The following SERPINB8 variants were observed in gnomAD, a reference collection of about 807,000 sequenced individuals.
SERPINB8 encodes the protein serpin B8.
A neutral mutation model predicts 35.3 loss-of-function variants in SERPINB8; 25 were observed. The observed-to-expected ratio is 0.71, with a 90% confidence interval of 0.52 to 0.99. The LOEUF is 0.99. Among genes scored for constraint, SERPINB8 ranks in the 50% least tolerant of loss-of-function variants. SERPINB8 has a pLI of 0.00. For missense variants in SERPINB8, 484 were observed against 446.5 expected (o/e 1.08, Z -0.76); for synonymous variants, 186 against 160.8 (o/e 1.16, Z -1.19).
At chr18:63,977,106 G>A (rs770263860) in intron 1 of SERPINB8, among the ~76,000 whole-genome samples, 22 of 152,206 alleles carry the variant, frequency 1.4e-4, no homozygotes, top group Non-Finnish European at 2.5e-4. Flanking sequence ...TAAACTGAAA[G>A]ATAATTAGCA....
At chr18:63,991,334 T>C (rs2050824058), downstream of SERPINB8, among the ~76,000 whole-genome samples, 1 of 152,228 alleles carries the variant, frequency 6.6e-6, no homozygotes, top group South Asian at 2.1e-4. Context: ...TATTGAGTCT[T>C]CCAACCCGTG....
intron 1 of SERPINB8, among the ~76,000 whole-genome samples, chr18:64,001,649 G>A (rs933289378): frequency 1.3e-5 from 2 of 151,872 alleles, no homozygotes; most frequent in African/African-American, 2.4e-5. Context: ...CACCACAGTC[G>A]CTAATTTTTG....
intron 1 of SERPINB8, among the ~76,000 whole-genome samples, chr18:64,003,852 T>G (rs1960475776): frequency 1.3e-5 from 2 of 152,182 alleles, no homozygotes; most frequent in Non-Finnish European, 2.9e-5. Context: ...TCAGCTTTAC[T>G]TGGTGTACCA....
At position 63,978,287 on chromosome 18, in the gene SERPINB8, C is replaced by T; in HGVS notation, c.-10-12C>T. Reference sequence around the variant, plus strand: ...GGCTTATGTGCTTTTCCCTGCTGTGCCTTTGATGCAGACCTTCTCTGATGG... The same window carrying T: ...GGCTTATGTGCTTTTCCCTGCTGTGTCTTTGATGCAGACCTTCTCTGATGG... On this transcript the variant is annotated splice_polypyrimidine_tract_variant and intron_variant, in intron 1 of 6. Coordinates refer to ENST00000397985, the MANE Select transcript of SERPINB8 (RefSeq NM_002640.4). The T allele has an allele frequency of 1.2e-6, 2 of 1,614,036 alleles. No homozygotes were observed. Among genetic ancestry groups the T allele is most frequent in the South Asian group, 2.2e-5 (2 of 91,070 alleles).
chr18:63,972,957 G>A (rs2050515138), intron 1 of SERPINB8, among the ~76,000 whole-genome samples: 1 of 152,176 alleles, frequency 6.6e-6, no homozygotes, highest in African/African-American at 2.4e-5. Flanking sequence ...ACATACATGT[G>A]CATGTGTCTT....
chr18:63,979,581 G>A (rs990530066), intron 2 of SERPINB8, among the ~76,000 whole-genome samples: 2 of 152,144 alleles, frequency 1.3e-5, no homozygotes, highest in Non-Finnish European at 2.9e-5. Context: ...CAGAAGTGCT[G>A]CAAAAATCCT....
intron 6 of SERPINB8, chr18:63,986,232 T>G: frequency 3.1e-6 from 5 of 1,609,686 alleles, no homozygotes; most frequent in Non-Finnish European, 2.5e-6. Context: ...TTCTCCCTTT[T>G]TTCTTTCTAC....
intron 1 of SERPINB8, among the ~76,000 whole-genome samples, chr18:63,994,792 C>T (rs904558201): frequency 6.6e-6 from 1 of 152,134 alleles, no homozygotes; most frequent in Non-Finnish European, 1.5e-5. Flanking sequence ...GACTGTTCAC[C>T]AGACTCAGAT....
Position 63,988,985 on chromosome 18 carries a change from A to T in SERPINB8, c.*1707A>T, listed in dbSNP as rs1460805741. Reference sequence around the variant, plus strand: ...TCAAGATAATGAACCTATCTATCATACTCCCAAATTCCTTCTTGCATCTTT... The same window carrying T: ...TCAAGATAATGAACCTATCTATCATTCTCCCAAATTCCTTCTTGCATCTTT... On this transcript the variant is annotated 3_prime_UTR_variant, in exon 7 of 7. Transcript: ENST00000397985. 1 of 152,106 alleles carries T rather than the reference A, an allele frequency of 6.6e-6. No individual in the cohort carries two copies. Among genetic ancestry groups the T allele is most frequent in the Non-Finnish European group, 1.5e-5 (1 of 68,018 alleles). 9.4% of individuals were successfully genotyped at this position (152,106 alleles called of 1,614,324 possible).
At chr18:63,991,696 A>G (rs1399702272), downstream of SERPINB8, among the ~76,000 whole-genome samples, 2 of 151,164 alleles carry the variant, frequency 1.3e-5, no homozygotes, top group Admixed American at 6.6e-5. Context: ...GCCTTATTGC[A>G]CTGACTTGAT....
rs2050727768 is a variant in SERPINB8 at position 63,984,946 on chromosome 18, G to C, written c.568-147G>C. ...AATAGCTTGTTCTATTCAATACTAA[G>C]ATGTACTAATGAAGATTTTATATCT... On this transcript the variant is annotated intron_variant, in intron 5 of 6. Transcript: ENST00000397985. 11 of 689,008 alleles carry C rather than the reference G, an allele frequency of 1.6e-5. No homozygotes were observed. In the South Asian group the frequency reaches 2.3e-4, roughly 15 times the overall value. 42.7% of individuals were successfully genotyped at this position (689,008 alleles called of 1,614,324 possible). A position where few individuals can be genotyped will look rare whatever the true frequency, so the allele number is the denominator to read the frequency against.
chr18:63,981,908 T>C, intron 4 of SERPINB8, 70 bp downstream of exon 4: 1 of 1,092,120 alleles, frequency 9.2e-7, no homozygotes, highest in Non-Finnish European at 1.4e-6. Flanking sequence ...GGGATGGGAC[T>C]TCCCAGGGTG....
intron 6 of SERPINB8, chr18:63,986,491 C>T (rs1224589963): frequency 7.4e-7 from 1 of 1,354,496 alleles, no homozygotes; most frequent in Non-Finnish European, 9.4e-7. Flanking sequence ...GAGCCATGCT[C>T]TTTGTCTTTT....
chr18:64,007,136 AG>A (rs2144846596), downstream of SERPINB8, among the ~76,000 whole-genome samples: 1 of 152,266 alleles, frequency 6.6e-6, no homozygotes, highest in East Asian at 1.9e-4. Context: ...AAAATGAAAA[AG>A]GAGACATAAT....
chr18:63,992,210 A>T (rs2050828453), downstream of SERPINB8, among the ~76,000 whole-genome samples: 2 of 152,136 alleles, frequency 1.3e-5, no homozygotes. Flanking sequence ...TATAATTGGT[A>T]TTATTTCTTC....
intron 1 of SERPINB8, among the ~76,000 whole-genome samples, chr18:63,970,963 G>T (rs1177751381): frequency 1.3e-5 from 2 of 152,098 alleles, no homozygotes; most frequent in African/African-American, 4.8e-5. Flanking sequence ...GACACTCTCA[G>T]TCCTCTGGCT....
intron 7 of SERPINB8, chr18:64,018,896 T>C (rs554699674): frequency 6.6e-6 from 1 of 152,276 alleles, no homozygotes; most frequent in African/African-American, 2.4e-5. Context: ...TGAATGTCTC[T>C]CATTTTTTTT....
intron 1 of SERPINB8, among the ~76,000 whole-genome samples, chr18:63,976,136 T>C (rs868222324): frequency 6.6e-6 from 1 of 152,312 alleles, no homozygotes; most frequent in African/African-American, 2.4e-5. Flanking sequence ...AAATTATACA[T>C]GTTTATGAAA....
chr18:63,987,804 TGAA>T lies in SERPINB8; in HGVS notation c.*529_*531del, dbSNP rs2050785642. The T allele has an allele frequency of 6.5e-6, 1 of 153,094 alleles. No individual in the cohort carries two copies. Among genetic ancestry groups the T allele is most frequent in the Non-Finnish European group, 1.5e-5 (1 of 68,718 alleles). The allele number at this position is 153,094 out of a possible 1,614,324, so 9.5% of individuals were successfully genotyped here. On this transcript the variant is annotated 3_prime_UTR_variant, in exon 7 of 7. Coordinates refer to ENST00000397985, the MANE Select transcript of SERPINB8 (RefSeq NM_002640.4). ...GCCCCCTGTCTCACACAGTTTGTAATGAAGACAGCTCCTTCTCATCTTTCCATA... is the reference window on the plus strand; with the variant it reads ...GCCCCCTGTCTCACACAGTTTGTAATGACAGCTCCTTCTCATCTTTCCATA...
Sources: allele counts gnomAD v4.1 joint callset (sites outside exome capture counted in the v4.1 genomes callset), GRCh38; gene constraint gnomAD v4.1.1; transcripts MANE v1.5; gene names NCBI Gene and HGNC (gene_info 2026-07-23, HGNC 2026-07-21).